PRRC1: variants seen among roughly 807,000 people sequenced by gnomAD.
PRRC1 encodes the protein protein PRRC1.
In PRRC1, 39 loss-of-function variants were observed where a neutral mutation model predicts 40.7. That is an observed-to-expected ratio of 0.96 (90% CI 0.74 to 1.25). The LOEUF is 1.25. Ranked by LOEUF, PRRC1 falls within the 50% of genes most tolerant of loss-of-function variation. The pLI is 0.00. For missense variants in PRRC1, 573 were observed against 548.3 expected, an observed-to-expected ratio of 1.05 and a Z score of -0.45; for synonymous variants, 175 against 193.3, an observed-to-expected ratio of 0.91 and a Z score of 0.79.
At chr5:127,529,722 A>T (rs967831244) in intron 4 of PRRC1, among the ~76,000 whole-genome samples, 1 of 152,290 alleles carries the variant, frequency 6.6e-6, no homozygotes, top group South Asian at 2.1e-4. Flanking sequence ...AGAGGAATAG[A>T]TCTGAATATA....
At chr5:127,547,280 G>C (rs60388429) in intron 7 of PRRC1, among the ~76,000 whole-genome samples, 3,848 of 152,102 alleles carry the variant, frequency 0.025, 215 homozygotes, top group East Asian at 0.17. Flanking sequence ...TCATGAGGCT[G>C]TTTTCAAAGA....
intron 1 of PRRC1, among the ~76,000 whole-genome samples, chr5:127,519,016 C>A (rs1283287753): frequency 1.3e-5 from 2 of 151,994 alleles, no homozygotes; most frequent in African/African-American, 4.8e-5. Flanking sequence ...ATATAAAAAG[C>A]CATTAAAGAC....
At chr5:127,523,748 G>C (rs1408926168) in intron 2 of PRRC1, 166 bp downstream of exon 2, 14 of 437,654 alleles carry the variant, frequency 3.2e-5, no homozygotes, top group South Asian at 1.5e-4. Context: ...AGAAAGTCTT[G>C]TGTATTTAAA....
rs1767352431 is a variant in PRRC1, at chr5:127,517,722, C to G, written c.-75C>G. Reference sequence around the variant, plus strand: ...CCAAGCTGTAGTTCTACGTCCCGACCTCCCTATCATACCACACTCTTCAGC... The same window carrying G: ...CCAAGCTGTAGTTCTACGTCCCGACGTCCCTATCATACCACACTCTTCAGC... On this transcript the variant is annotated 5_prime_UTR_variant, in exon 1 of 9. Transcript: ENST00000296666. 1 of 152,264 alleles carries G rather than the reference C, an allele frequency of 6.6e-6. No individual in the cohort carries two copies. Among genetic ancestry groups the G allele is most frequent in the African/African-American group, 2.4e-5 (1 of 41,462 alleles). 9.4% of individuals were successfully genotyped at this position (152,264 alleles called of 1,614,324 possible). A position where few individuals can be genotyped will look rare whatever the true frequency, so the allele number is the denominator to read the frequency against.
In PRRC1 at chr5:127,554,022, G is replaced by C. The variant is rs1315210263; in HGVS notation, c.*2106G>C. 3 of 913,642 alleles carry C rather than the reference G, an allele frequency of 3.3e-6. No homozygotes were observed. The highest frequency in any genetic ancestry group is 4.7e-6 in the Non-Finnish European group (3 of 633,362). The allele number at this position is 913,642 out of a possible 1,614,324, so 56.6% of individuals were successfully genotyped here. On this transcript the variant is annotated 3_prime_UTR_variant, in exon 9 of 9. Coordinates refer to ENST00000296666, the MANE Select transcript of PRRC1 (RefSeq NM_130809.5). ...TTTTGAAAAGCAGCGGAGCATGACT[G>C]ACTTCACATGCTCAGCTTTCTCAGC...
chr5:127,545,626 G>A (rs1427934251), intron 7 of PRRC1, among the ~76,000 whole-genome samples: 2 of 129,536 alleles, frequency 1.5e-5, no homozygotes, highest in South Asian at 2.8e-4. Flanking sequence ...GCACACTCTG[G>A]GGACTGTTGT....
chr5:127,543,121 T>A (rs903438111), intron 7 of PRRC1, among the ~76,000 whole-genome samples: 1 of 152,066 alleles, frequency 6.6e-6, no homozygotes, highest in African/African-American at 2.4e-5. Flanking sequence ...TTATTTCTCC[T>A]TCACTTACAA....
intron 3 of PRRC1, 32 bp from the exon 4 acceptor site, chr5:127,526,586 T>G (rs749692726): frequency 1.3e-6 from 2 of 1,567,060 alleles, no homozygotes; most frequent in Non-Finnish European, 1.7e-6. Flanking sequence ...ATGGAATAAA[T>G]TATACATATG....
At chr5:127,550,793 A>C (rs558103408) in intron 8 of PRRC1, 2 of 152,238 alleles carry the variant, frequency 1.3e-5, no homozygotes, top group Non-Finnish European at 2.9e-5. Context: ...TGTAGTATAC[A>C]CATTGGAAGA....
intron 3 of PRRC1, 150 bp from the exon 4 acceptor site, chr5:127,526,467 GC>G: frequency 1.9e-6 from 1 of 530,756 alleles, no homozygotes; most frequent in Non-Finnish European, 3.2e-6. Flanking sequence ...TGTTTAATTT[GC>G]GTTTTATAAA....
At position 127,533,770 on chromosome 5, in the gene PRRC1, A is replaced by G. The variant is rs769356729; in HGVS notation, c.905A>G (p.Tyr302Cys). The change falls in exon 6 of 9, where the codon TAT (tyrosine) becomes TGT (cysteine). Residue 302 changes from tyrosine (Y) to cysteine (C), a missense_variant. Tyr to Cys is a radical substitution (Grantham distance 194). Coordinates refer to ENST00000296666, the MANE Select transcript of PRRC1 (RefSeq NM_130809.5). The stretch of plus-strand genomic sequence containing the variant: ...AATATTGCCCCACAACCAGTGGGCT[A>G]TGCAGCTGGATTAAAAGTGAGTAAC... Reference protein sequence around the residue: ...QSNIAPQPVGYAAGLKGAQER... With the variant: ...QSNIAPQPVGCAAGLKGAQER... 6.8e-6 allele frequency: 11 copies of G among 1,613,950 alleles called. No individual in the cohort carries two copies. The highest frequency in any genetic ancestry group is 6.7e-5 in the Admixed American group (4 of 59,976).
At chr5:127,550,655 A>G (rs2127120142) in intron 8 of PRRC1, 1 of 152,322 alleles carries the variant, frequency 6.6e-6, no homozygotes, top group South Asian at 2.1e-4. Context: ...CAGGAGCTGC[A>G]TTTTAACAAG....
chr5:127,530,306 A>T lies in PRRC1; in HGVS notation c.667A>T (p.Asn223Tyr), dbSNP rs781148153. The T allele has an allele frequency of 1.9e-6, 3 of 1,613,642 alleles. No homozygotes were observed. The highest frequency in any genetic ancestry group is 2.2e-5 in the South Asian group (2 of 91,044). Residue 223 changes from asparagine (N) to tyrosine (Y), a missense_variant, in exon 5 of 9, where the codon AAT becomes TAT. Physicochemically the swap from Asn to Tyr is moderately radical, Grantham distance 143. Transcript: ENST00000296666. ...IWGFIKGVAG[N>Y]PMVKSVLDKT... ...TTGTTTTATGCAGGGTGTGGCTGGG[A>T]ATCCTATGGTGAAGTCTGTGCTTGA...
chr5:127,522,851 A>G (rs1261110451), intron 1 of PRRC1, among the ~76,000 whole-genome samples: 2 of 152,038 alleles, frequency 1.3e-5, no homozygotes, highest in African/African-American at 2.4e-5. Flanking sequence ...GCTCACTGCA[A>G]CCTTGAACTC....
intron 7 of PRRC1, among the ~76,000 whole-genome samples, chr5:127,543,739 C>A (rs1329885703): frequency 6.6e-6 from 1 of 152,166 alleles, no homozygotes; most frequent in Non-Finnish European, 1.5e-5. Flanking sequence ...CCTTTAAGCA[C>A]TTCTCTGTAT....
At chr5:127,548,973 A>G (rs1174975389) in intron 8 of PRRC1, 1 of 152,200 alleles carries the variant, frequency 6.6e-6, no homozygotes, top group Non-Finnish European at 1.5e-5. Context: ...TGTTATGCCA[A>G]TAAATTAGAA....
chr5:127,540,551 A>G (rs1768014894), intron 7 of PRRC1, among the ~76,000 whole-genome samples: 2 of 152,206 alleles, frequency 1.3e-5, no homozygotes, highest in South Asian at 4.1e-4. Context: ...AATACATTAT[A>G]GTTCAGAGCT....
chr5:127,544,153 G>C (rs1768140891), intron 7 of PRRC1, among the ~76,000 whole-genome samples: 1 of 152,216 alleles, frequency 6.6e-6, no homozygotes, highest in Non-Finnish European at 1.5e-5. Flanking sequence ...GACCCTGTTT[G>C]CCTGGGTATC....
intron 5 of PRRC1, among the ~76,000 whole-genome samples, chr5:127,532,868 T>C (rs1174599586): frequency 6.6e-6 from 1 of 152,232 alleles, no homozygotes; most frequent in Non-Finnish European, 1.5e-5. Flanking sequence ...AATATCAAAA[T>C]GTGCTGTGTT....
Sources: gnomAD v4.1 joint callset for allele counts (sites outside exome capture counted in the v4.1 genomes callset) on GRCh38, gnomAD v4.1.1 for gene constraint, MANE v1.5 for transcripts, NCBI Gene and HGNC (gene_info 2026-07-23, HGNC 2026-07-21) for gene names.